The following MYOM2 variants were observed in gnomAD, a reference collection of about 807,000 sequenced individuals.
MYOM2 encodes the protein myomesin 2, also known as myomesin-2.
MYOM2 carries 254 observed loss-of-function variants against 187.6 expected under a neutral mutation model. That is an observed-to-expected ratio of 1.35 (90% CI 1.22 to 1.50). The LOEUF (loss-of-function observed/expected upper bound fraction) is 1.50. MYOM2 is among the 40% of genes most tolerant of loss of function. The pLI is 0.00. For missense variants in MYOM2, 2,796 were observed against 1,924.0 expected (o/e 1.45, Z -8.48); for synonymous variants, 981 against 753.8 (o/e 1.30, Z -4.94).
intron 6 of MYOM2, among the ~76,000 whole-genome samples, chr8:2,068,940 C>T (rs1237780916): frequency 2.0e-5 from 3 of 152,184 alleles, no homozygotes; most frequent in Non-Finnish European, 4.4e-5. Flanking sequence ...CAAGATGAAA[C>T]CGCGCATTCC....
At chr8:2,052,101 T>C in intron 2 of MYOM2, 57 bp from the exon 3 acceptor site, 2 of 1,603,432 alleles carry the variant, frequency 1.2e-6, no homozygotes, top group South Asian at 2.2e-5. Context: ...TGTGTCAGGA[T>C]AAATTTCCAT....
chr8:2,049,275 T>C (rs1818407125), intron 1 of MYOM2, among the ~76,000 whole-genome samples: 1 of 152,176 alleles, frequency 6.6e-6, no homozygotes, highest in Non-Finnish European at 1.5e-5. Flanking sequence ...AAGGATGGCC[T>C]TGGGGCAGGG....
chr8:2,084,179 A>G (rs1190466815), intron 13 of MYOM2, among the ~76,000 whole-genome samples: 1 of 152,196 alleles, frequency 6.6e-6, no homozygotes, highest in African/African-American at 2.4e-5. Context: ...GCACGGGTGG[A>G]GAGCAGGCCT....
At position 2,079,210 on chromosome 8, in the gene MYOM2, T is replaced by A. The variant is rs577669073; in HGVS notation, c.1462+277T>A. On this transcript the variant is annotated intron_variant, in intron 12 of 36. Coordinates refer to ENST00000262113, the MANE Select transcript of MYOM2 (RefSeq NM_003970.4). ...TTGGCTCAGAATTAGACCTTTTTTT[T>A]ATTCCATTGGTGATATAATTTCAAC... Among the ~76,000 whole-genome samples, 69 of 150,054 alleles carry A rather than the reference T, an allele frequency of 4.6e-4. 1 individual carries two copies. The highest frequency in any genetic ancestry group is 1.6e-3 in the African/African-American group (63 of 40,520).
In MYOM2 at chr8:2,052,256, G is replaced by C; in HGVS notation, c.206G>C (p.Arg69Thr). The C allele has an allele frequency of 6.2e-7, 1 of 1,612,954 alleles. No individual in the cohort carries two copies. Among genetic ancestry groups the C allele is most frequent in the Non-Finnish European group, 8.5e-7 (1 of 1,179,750 alleles). ...SQTSLGGTIC[R>T]VCAKRVSTQE... Reference sequence around the variant, plus strand: ...ACGTCCCTGGGAGGAACCATCTGCAGGGTCTGTGCGAAGCGAGTGAGCACG... The same window carrying C: ...ACGTCCCTGGGAGGAACCATCTGCACGGTCTGTGCGAAGCGAGTGAGCACG... Residue 69 changes from arginine to threonine, a missense_variant, in exon 3 of 37, where the codon AGG (arginine) becomes ACG (threonine). By Grantham distance (71) the Arg-to-Thr change is moderately conservative. Coordinates refer to ENST00000262113, the MANE Select transcript of MYOM2 (RefSeq NM_003970.4).
chr8:2,070,003 G>T (rs1819159051), intron 8 of MYOM2, among the ~76,000 whole-genome samples: 1 of 152,178 alleles, frequency 6.6e-6, no homozygotes, highest in South Asian at 2.1e-4. Flanking sequence ...CTTTGGTCCA[G>T]AGACCCGCCC....
Position 2,076,145 on chromosome 8 carries a change from T to A in MYOM2, c.1125T>A (p.Ala375=). 1 of 1,611,736 alleles carries A rather than the reference T, an allele frequency of 6.2e-7. No individual in the cohort carries two copies. The highest frequency in any genetic ancestry group is 8.5e-7 in the Non-Finnish European group (1 of 1,179,516). ...CTTTTCTCTCCCTGCCCCAAGATGC[T>A]GACCCGCTGGTCACAGGGGCCCCCG... ...DHSAFLFVRD[A]DPLVTGAPGA... Residue 375 remains alanine (A), a synonymous_variant, in exon 11 of 37, where the codon GCT becomes GCA. Coordinates refer to ENST00000262113, the MANE Select transcript of MYOM2 (RefSeq NM_003970.4).
chr8:2,086,524 A>ACTGTTGTGATCTCCGCATGGCCCCC (rs1796079933), intron 14 of MYOM2, among the ~76,000 whole-genome samples: 1 of 64,594 alleles, frequency 1.5e-5, no homozygotes, highest in Admixed American at 1.6e-4. Context: ...GCGTGGCCCC[A>ACTGTTGTGATCTCCGCATGGCCCCC]CACTGTCGTG....
chr8:2,141,292 C>A lies in MYOM2; in HGVS notation c.4001+115C>A, dbSNP rs1216217951. 4 of 838,438 alleles carry A rather than the reference C, an allele frequency of 4.8e-6. No homozygotes were observed. In the African/African-American group the frequency reaches 6.8e-5, roughly 14 times the overall value. 51.9% of individuals were successfully genotyped at this position (838,438 alleles called of 1,614,324 possible). On this transcript the variant is annotated intron_variant, in intron 34 of 36. Coordinates refer to ENST00000262113, the MANE Select transcript of MYOM2 (RefSeq NM_003970.4). ...TGGGTGACCTAAAGAAAGAGCCATT[C>A]CTGGGACAGAAGTGGGAATTTAAGC... is the stretch of plus-strand genomic sequence containing the variant.
At chr8:2,068,026 T>G (rs1175850430) in intron 6 of MYOM2, among the ~76,000 whole-genome samples, 1 of 152,162 alleles carries the variant, frequency 6.6e-6, no homozygotes, top group Non-Finnish European at 1.5e-5. Context: ...CAAGCTGTGT[T>G]GAGGGCTTCG....
At chr8:2,096,117 C>A in intron 17 of MYOM2, 130 bp from the exon 18 acceptor site, 1 of 796,668 alleles carries the variant, frequency 1.3e-6, no homozygotes, top group Non-Finnish European at 2.0e-6. Flanking sequence ...TGAGAGGGAT[C>A]AGAGGGCACA....
intron 13 of MYOM2, among the ~76,000 whole-genome samples, chr8:2,079,922 C>T (rs1164806895): frequency 6.6e-6 from 1 of 152,192 alleles, no homozygotes; most frequent in Non-Finnish European, 1.5e-5. Flanking sequence ...AAAGCTCAGA[C>T]TTGGTTCCTG....
At chr8:2,079,448 C>T (rs1468323396) in intron 12 of MYOM2, 112 bp from the exon 13 acceptor site, 2 of 1,009,820 alleles carry the variant, frequency 2.0e-6, no homozygotes, top group East Asian at 4.7e-5. Flanking sequence ...AGAGGACTCA[C>T]AGGTTGTAGT....
intron 13 of MYOM2, among the ~76,000 whole-genome samples, chr8:2,084,169 G>T (rs569579136): frequency 1.9e-4 from 29 of 152,306 alleles, no homozygotes; most frequent in African/African-American, 6.0e-4. Flanking sequence ...TGGACACGGT[G>T]CACGGGTGGA....
chr8:2,096,328 T>A lies in MYOM2; in HGVS notation c.2207T>A (p.Phe736Tyr). Reference sequence around the variant, plus strand: ...ACCCTCGGCTGGAAGGTCCCGAAATTCAGTGGTGGCTCGCCCATCCTGGGC... The same window carrying A: ...ACCCTCGGCTGGAAGGTCCCGAAATACAGTGGTGGCTCGCCCATCCTGGGC... ...SMTLGWKVPK[F>Y]SGGSPILGYY... Residue 736 changes from phenylalanine to tyrosine, a missense_variant, in exon 18 of 37, where the codon TTC becomes TAC. Transcript: ENST00000262113. 6.2e-7 allele frequency: 1 copy of A among 1,614,188 alleles called. No homozygotes were observed. Among genetic ancestry groups the A allele is most frequent in the Admixed American group, 1.7e-5 (1 of 60,024 alleles).
chr8:2,113,691 G>A (rs546792554), intron 25 of MYOM2, among the ~76,000 whole-genome samples: 12 of 152,256 alleles, frequency 7.9e-5, no homozygotes, highest in Admixed American at 5.2e-4. Flanking sequence ...AGGAAGTTCC[G>A]GTCCTGACCA....
chr8:2,078,840 G>C lies in MYOM2; in HGVS notation c.1369G>C (p.Val457Leu), dbSNP rs748253119. ...TGAAGGAAGGTCTTACATATTCCGA[G>C]TGAGGGCAGTGAACAGTGCGGGCAT... ...LFEGRSYIFR[V>L]RAVNSAGISR... Residue 457 changes from valine (V) to leucine (L), a missense_variant, in exon 12 of 37, where the codon GTG becomes CTG. Transcript: ENST00000262113. 1 of 1,614,156 alleles carries C rather than the reference G, an allele frequency of 6.2e-7. No homozygotes were observed. The highest frequency in any genetic ancestry group is 1.7e-5 in the Admixed American group (1 of 60,026).
rs571644420 is a variant in MYOM2 at position 2,064,811 on chromosome 8, G to A, written c.654-4467G>A. On this transcript the variant is annotated intron_variant, in intron 6 of 36. Transcript: ENST00000262113. ...TCCTCCTTCTCCTCTCCTGGCACCA[G>A]TGATCTTATTTCCTACATTCTTAGA... Among the ~76,000 whole-genome samples, 17 of 152,262 alleles carry A rather than the reference G, an allele frequency of 1.1e-4. 2 individuals are homozygous for A. The South Asian group carries it at 3.5e-3, about 32-fold the overall frequency.
At chr8:2,131,335 A>G (rs1046295346) in intron 32 of MYOM2, among the ~76,000 whole-genome samples, 1 of 152,088 alleles carries the variant, frequency 6.6e-6, no homozygotes, top group Non-Finnish European at 1.5e-5. Context: ...GAAACATGTC[A>G]TTTTGTCAGT....
Sources: allele counts gnomAD v4.1 joint callset (sites outside exome capture counted in the v4.1 genomes callset), GRCh38; gene constraint gnomAD v4.1.1; transcripts MANE v1.5; gene names NCBI Gene and HGNC (gene_info 2026-07-23, HGNC 2026-07-21).